UCHL3: variants seen among roughly 807,000 people sequenced by gnomAD.
The protein encoded by UCHL3 is ubiquitin carboxyl-terminal hydrolase isozyme L3.
UCHL3 carries 22 observed loss-of-function variants against 35.8 expected under a neutral mutation model. The observed-to-expected ratio is 0.61, with a 90% confidence interval of 0.44 to 0.88. The LOEUF (loss-of-function observed/expected upper bound fraction) is 0.88. UCHL3 is among the 40% of genes least tolerant of loss of function. The probability of loss-of-function intolerance (pLI) is 0.00; values close to 1 mark genes in which losing one functional copy is unlikely to be tolerated. For missense variants in UCHL3, 229 were observed against 276.9 expected (o/e 0.83, Z 1.23); for synonymous variants, 90 against 92.8 (o/e 0.97, Z 0.17).
intron 2 of UCHL3, 34 bp downstream of exon 2, chr13:75,550,021 G>C: frequency 6.2e-7 from 1 of 1,614,158 alleles, no homozygotes; most frequent in Non-Finnish European, 8.5e-7. Flanking sequence ...GGACCTCGGA[G>C]TCTTTTCTGT....
upstream of UCHL3, chr13:75,549,681 C>G: frequency 1.1e-6 from 1 of 947,238 alleles, no homozygotes. Flanking sequence ...GTGAGAGGCC[C>G]GTCAAACTCT....
In UCHL3 at chr13:75,576,522, T is replaced by C. The variant is rs964428037; in HGVS notation, c.474+7015T>C. Among the ~76,000 whole-genome samples, 4 of 152,008 alleles carry C rather than the reference T, an allele frequency of 2.6e-5. No homozygotes were observed. In the East Asian group the frequency reaches 7.8e-4, roughly 30 times the overall value. Reference sequence around the variant, plus strand: ...GGCGCGTGCCACCACACCCAGCTAATTTTTTGTGTTTTTAGTAGAGACAGG... The same window carrying C: ...GGCGCGTGCCACCACACCCAGCTAACTTTTTGTGTTTTTAGTAGAGACAGG... On this transcript the variant is annotated intron_variant, in intron 6 of 8. Transcript: ENST00000377595.
intron 6 of UCHL3, among the ~76,000 whole-genome samples, chr13:75,576,957 A>G (rs2138519721): frequency 6.6e-6 from 1 of 151,626 alleles, no homozygotes; most frequent in Middle Eastern, 3.4e-3. Flanking sequence ...CCACTTAATG[A>G]AAATATTTGA....
Position 75,573,048 on chromosome 13 carries a change from T to G in UCHL3, c.474+3541T>G, listed in dbSNP as rs1382198054. On this transcript the variant is annotated intron_variant, in intron 6 of 8. Coordinates refer to ENST00000377595, the MANE Select transcript of UCHL3 (RefSeq NM_006002.5). ...GGGAGGCCAAGGCAGGCGGATCACC[T>G]GAGTTCAGGAGCTCAAGACTAGCCT... Among the ~76,000 whole-genome samples, 6 of 152,300 alleles carry G rather than the reference T, an allele frequency of 3.9e-5. 1 individual carries two copies. The East Asian group carries it at 1.2e-3, about 29-fold the overall frequency.
intron 6 of UCHL3, 113 bp from the exon 7 acceptor site, chr13:75,594,802 T>C (rs2032600855): frequency 3.8e-6 from 3 of 798,430 alleles, no homozygotes; most frequent in Non-Finnish European, 6.0e-6. Flanking sequence ...TTGAATTATA[T>C]TGGATAAATG....
chr13:75,566,868 T>C lies in UCHL3; in HGVS notation c.340+17T>C. ...TGCACTTTGGTAAATGATTTTTCAT[T>C]ACTGCATTTTTTCCCCCTTAAGATA... On this transcript the variant is annotated intron_variant, in intron 4 of 8. Transcript: ENST00000377595. 6.3e-7 allele frequency: 1 copy of C among 1,578,354 alleles called. No homozygotes were observed. The highest frequency in any genetic ancestry group is 2.3e-5 in the East Asian group (1 of 43,924).
intron 6 of UCHL3, among the ~76,000 whole-genome samples, chr13:75,580,255 G>T (rs1387017646): frequency 6.6e-6 from 1 of 152,102 alleles, no homozygotes; most frequent in African/African-American, 2.4e-5. Context: ...TCTTTTGTAT[G>T]GATCTGGCTT....
In UCHL3 at chr13:75,556,557, A is replaced by AT. The variant is rs532187170; in HGVS notation, c.55-4189dup. ...TTTGAAAGGAAAGTGAATTTTATCT[A>AT]TTTTTTTAATTTATAAAATCAGAGT... On this transcript the variant is annotated intron_variant, in intron 2 of 8. Transcript: ENST00000377595. 2.0e-4 allele frequency among the ~76,000 whole-genome samples: 31 copies of AT among 152,276 alleles called. No homozygotes were observed. In the East Asian group the frequency reaches 5.8e-3, roughly 28 times the overall value.
rs200389531 is a variant in UCHL3, at chr13:75,598,872, TA to T, written c.550+3891del. On this transcript the variant is annotated intron_variant, in intron 7 of 8. Transcript: ENST00000377595. The stretch of plus-strand genomic sequence containing the variant: ...ATTATGACTATTGCCAAATGGCAAT[TA>T]AAAAAAAATTCCCCCAACATTAGAA... 7.3e-3 allele frequency among the ~76,000 whole-genome samples: 1,105 copies of T among 151,800 alleles called. 3 individuals carry two copies. Among genetic ancestry groups the T allele is most frequent in the Non-Finnish European group, 0.012 (800 of 67,878 alleles).
intron 5 of UCHL3, among the ~76,000 whole-genome samples, chr13:75,568,670 TTTC>T (rs2031763416): frequency 6.6e-6 from 1 of 151,978 alleles, no homozygotes; most frequent in South Asian, 2.1e-4. Context: ...TTTAATAGTT[TTTC>T]TTCTTTTTCA....
intron 6 of UCHL3, among the ~76,000 whole-genome samples, chr13:75,594,006 A>G (rs957506557): frequency 2.0e-5 from 3 of 152,134 alleles, no homozygotes; most frequent in Admixed American, 6.6e-5. Context: ...TTTGTGCTCT[A>G]TTTGCATTTT....
At chr13:75,594,519 A>G (rs929266079) in intron 6 of UCHL3, among the ~76,000 whole-genome samples, 1 of 152,186 alleles carries the variant, frequency 6.6e-6, no homozygotes, top group African/African-American at 2.4e-5. Context: ...GTTAGGTGTA[A>G]AAATATTTTA....
intron 6 of UCHL3, among the ~76,000 whole-genome samples, chr13:75,586,658 AATT>A: frequency 6.6e-6 from 1 of 152,032 alleles, no homozygotes; most frequent in Admixed American, 6.6e-5. Context: ...TAAAAAATTT[AATT>A]TATACAAAGA....
chr13:75,595,039 A>G, intron 7 of UCHL3, 49 bp downstream of exon 7: 1 of 1,369,694 alleles, frequency 7.3e-7, no homozygotes, highest in South Asian at 1.3e-5. Flanking sequence ...TAAATGGGAA[A>G]GTCTCTACTT....
Position 75,560,783 on chromosome 13 carries a change from T to C in UCHL3, c.85T>C (p.Trp29Arg), listed in dbSNP as rs758153494. Residue 29 changes from tryptophan (W) to arginine (R), a missense_variant, in exon 3 of 9, where the codon TGG becomes CGG. Coordinates refer to ENST00000377595, the MANE Select transcript of UCHL3 (RefSeq NM_006002.5). ...FLKQLGLHPN[W>R]QFVDVYGMDP... ...TAAACAATTAGGTCTACATCCTAACTGGCAATTCGTTGATGTATATGGAAT... is the reference window on the plus strand; with the variant it reads ...TAAACAATTAGGTCTACATCCTAACCGGCAATTCGTTGATGTATATGGAAT... 29 of 1,602,330 alleles carry C rather than the reference T, an allele frequency of 1.8e-5. No individual in the cohort carries two copies. Among genetic ancestry groups the C allele is most frequent in the Non-Finnish European group, 2.5e-5 (29 of 1,176,318 alleles).
intron 2 of UCHL3, among the ~76,000 whole-genome samples, chr13:75,550,822 G>T (rs2031074723): frequency 6.7e-6 from 1 of 150,266 alleles, no homozygotes; most frequent in Admixed American, 6.7e-5. Flanking sequence ...TCATCACCAA[G>T]GAACAATTCA....
chr13:75,577,309 G>T (rs530737851), intron 6 of UCHL3, among the ~76,000 whole-genome samples: 1 of 152,224 alleles, frequency 6.6e-6, no homozygotes, highest in South Asian at 2.1e-4. Flanking sequence ...AATATATACA[G>T]ACTTTTTTCT....
At chr13:75,574,088 G>A (rs909012626) in intron 6 of UCHL3, among the ~76,000 whole-genome samples, 6 of 152,002 alleles carry the variant, frequency 3.9e-5, no homozygotes, top group Non-Finnish European at 7.4e-5. Context: ...TGTGGTGGCG[G>A]GTGCCTGTAG....
At chr13:75,590,064 CCATCT>C in intron 6 of UCHL3, 2 of 1,304,536 alleles carry the variant, frequency 1.5e-6, no homozygotes, top group South Asian at 2.5e-5. Flanking sequence ...GGCTACCAGT[CCATCT>C]CTCCGTCTTC....
Sources: allele counts gnomAD v4.1 joint callset (sites outside exome capture counted in the v4.1 genomes callset), GRCh38; gene constraint gnomAD v4.1.1; transcripts MANE v1.5; gene names NCBI Gene and HGNC (gene_info 2026-07-23, HGNC 2026-07-21).